The following GRK5 variants were observed in gnomAD, a reference collection of about 807,000 sequenced individuals.
GRK5 encodes G protein-coupled receptor kinase 5, also known as g protein-coupled receptor kinase GRK5.
GRK5 carries 40 observed loss-of-function variants against 78.4 expected under a neutral mutation model. The observed-to-expected ratio is 0.51, with a 90% CI of 0.40 to 0.66. The LOEUF (loss-of-function observed/expected upper bound fraction) is 0.66. Among genes scored for constraint, GRK5 ranks in the 30% least tolerant of loss-of-function variants. The pLI is 0.00. For missense variants in GRK5, 598 were observed against 759.9 expected (o/e 0.79, Z 2.50); for synonymous variants, 289 against 296.8 (o/e 0.97, Z 0.27).
chr10:119,447,609 C>T (rs559570423), intron 12 of GRK5, among the ~76,000 whole-genome samples: 227 of 152,292 alleles, frequency 1.5e-3, no homozygotes, highest in African/African-American at 5.2e-3. Flanking sequence ...GCCCCCTGCC[C>T]CCGGGGTGCC....
At chr10:119,358,465 C>G (rs1421586024) in intron 2 of GRK5, among the ~76,000 whole-genome samples, 1 of 152,200 alleles carries the variant, frequency 6.6e-6, no homozygotes, top group African/African-American at 2.4e-5. Flanking sequence ...ACCCGGCAGC[C>G]TGGCCGCCTT....
chr10:119,273,006 C>A (rs955266286), intron 1 of GRK5, among the ~76,000 whole-genome samples: 1 of 152,216 alleles, frequency 6.6e-6, no homozygotes, highest in Non-Finnish European at 1.5e-5. Flanking sequence ...TCCAAGTCCT[C>A]CCCAGTCCTT....
At chr10:119,284,007 T>C (rs1849806141) in intron 1 of GRK5, among the ~76,000 whole-genome samples, 1 of 152,164 alleles carries the variant, frequency 6.6e-6, no homozygotes, top group Admixed American at 6.5e-5. Context: ...CTCTGGGCAG[T>C]GTACTTCGGT....
intron 2 of GRK5, among the ~76,000 whole-genome samples, chr10:119,376,281 A>G (rs1195011144): frequency 6.6e-6 from 1 of 152,126 alleles, no homozygotes; most frequent in African/African-American, 2.4e-5. Flanking sequence ...GATGTCCTCC[A>G]TTCTTGGCCA....
rs991117024 is a variant in GRK5 at position 119,430,627 on chromosome 10, G to T, written c.597+189G>T. On this transcript the variant is annotated intron_variant, in intron 7 of 15. Transcript: ENST00000392870. This position sits in a 1 kb window ranked among gnomAD's most constrained non-coding sequence, Gnocchi z 4.5. The stretch of plus-strand genomic sequence containing the variant: ...GGGGCTATCAGGTGTGTCTATGGTG[G>T]AAAGAGGTTGTGGAGCTGGGCAGGT... 2.6e-5 allele frequency among the ~76,000 whole-genome samples: 4 copies of T among 152,162 alleles called. No individual in the cohort carries two copies. Among genetic ancestry groups the T allele is most frequent in the South Asian group, 2.1e-4 (1 of 4,826 alleles).
intron 1 of GRK5, among the ~76,000 whole-genome samples, chr10:119,232,100 AATGG>A: frequency 6.6e-6 from 1 of 152,364 alleles, no homozygotes; most frequent in Admixed American, 6.5e-5. Context: ...ACAACAGATG[AATGG>A]ATAAAGAAAA....
chr10:119,453,375 G>C (rs1853335010), intron 15 of GRK5, 99 bp downstream of exon 15: 2 of 1,417,816 alleles, frequency 1.4e-6, no homozygotes, highest in Non-Finnish European at 1.9e-6. Flanking sequence ...CCCTTGGAAG[G>C]CTTGGAAGTC....
Position 119,443,666 on chromosome 10 carries a change from C to A in GRK5, c.1180C>A (p.Arg394=), listed in dbSNP as rs1017068765. 6.2e-7 allele frequency: 1 copy of A among 1,613,468 alleles called. No individual in the cohort carries two copies. The highest frequency in any genetic ancestry group is 8.5e-7 in the Non-Finnish European group (1 of 1,179,830). ...PFRGRKEKVK[R]EEVDRRVLET... is the part of the protein sequence containing the mutation. ...CCGCGGCCGCAAGGAGAAGGTGAAG[C>A]GGGAGGAGGTGGACCGCCGGGTCCT... is the stretch of plus-strand genomic sequence containing the variant. The change falls in exon 12 of 16, where the codon CGG becomes AGG. Residue 394 remains arginine, a synonymous_variant. Transcript: ENST00000392870.
intron 2 of GRK5, among the ~76,000 whole-genome samples, chr10:119,344,872 CCCTTCCTTCCTTCCTT>C (rs545170705): frequency 0.013 from 932 of 73,702 alleles, 7 homozygotes; most frequent in Middle Eastern, 0.075. Flanking sequence ...ACAAGACCCA[CCCTTCCTTCCTTCCTT>C]CCTTCCTTCC....
At chr10:119,289,460 G>A (rs918275585) in intron 1 of GRK5, among the ~76,000 whole-genome samples, 1 of 152,240 alleles carries the variant, frequency 6.6e-6, no homozygotes, top group Non-Finnish European at 1.5e-5. Flanking sequence ...CACCTGACCT[G>A]CCTGTGGCTC....
rs896110324 is a variant in GRK5 at position 119,412,901 on chromosome 10, T to C, written c.340-10265T>C. On this transcript the variant is annotated intron_variant, in intron 4 of 15. Transcript: ENST00000392870. The surrounding 1 kb of genome is among the most constrained non-coding windows in gnomAD (Gnocchi z 4.3). ...GTCGCTGCAGCTGGGTGAGCAGGGC[T>C]GAGTGAGCTCAGGGAATCGGAGCTC... is the stretch of plus-strand genomic sequence containing the variant. Among the ~76,000 whole-genome samples, 1 of 152,132 alleles carries C rather than the reference T, an allele frequency of 6.6e-6. No homozygotes were observed. Among genetic ancestry groups the C allele is most frequent in the African/African-American group, 2.4e-5 (1 of 41,420 alleles).
At chr10:119,327,075 G>C (rs548319933) in intron 2 of GRK5, among the ~76,000 whole-genome samples, 54 of 151,194 alleles carry the variant, frequency 3.6e-4, no homozygotes, top group African/African-American at 1.3e-3. Context: ...CAGGCTTTGG[G>C]AGCTGAGAGT....
chr10:119,345,419 C>T (rs1851074766), intron 2 of GRK5, among the ~76,000 whole-genome samples: 1 of 152,164 alleles, frequency 6.6e-6, no homozygotes, highest in Non-Finnish European at 1.5e-5. Context: ...ACAGGGGCTT[C>T]CTAGCCTCAC....
chr10:119,214,027 T>C (rs936456360), intron 1 of GRK5, among the ~76,000 whole-genome samples: 2 of 152,246 alleles, frequency 1.3e-5, no homozygotes, highest in Non-Finnish European at 2.9e-5. Flanking sequence ...CAGGCTAGAC[T>C]GCAGTGGCGC....
At chr10:119,247,315 G>T (rs978860247) in intron 1 of GRK5, among the ~76,000 whole-genome samples, 2 of 152,174 alleles carry the variant, frequency 1.3e-5, no homozygotes, top group South Asian at 4.1e-4. Flanking sequence ...AGAAAAATAC[G>T]ATGACCTGGA....
At chr10:119,312,071 T>C (rs917183827) in intron 1 of GRK5, among the ~76,000 whole-genome samples, 1 of 151,958 alleles carries the variant, frequency 6.6e-6, no homozygotes, top group African/African-American at 2.4e-5. Context: ...CACCCGCTGC[T>C]AATTTTTGTT....
intron 1 of GRK5, among the ~76,000 whole-genome samples, chr10:119,250,056 A>G (rs1031003773): frequency 1.3e-5 from 2 of 152,154 alleles, no homozygotes; most frequent in African/African-American, 4.8e-5. Flanking sequence ...TGAATCCTCA[A>G]AGAGCCTCTG....
At chr10:119,237,090 TC>T in intron 1 of GRK5, among the ~76,000 whole-genome samples, 1 of 125,092 alleles carries the variant, frequency 8.0e-6, no homozygotes. Context: ...TGAGACGGAG[TC>T]TCACTCTGTC....
chr10:119,441,574 G>T (rs930816602), intron 10 of GRK5, among the ~76,000 whole-genome samples: 3 of 152,204 alleles, frequency 2.0e-5, no homozygotes, highest in Admixed American at 2.0e-4. Flanking sequence ...AAGGCAGGCC[G>T]GGGAGCTGCT....
Sources: gnomAD v4.1 joint callset for allele counts (sites outside exome capture counted in the v4.1 genomes callset) on GRCh38, gnomAD v4.1.1 for gene constraint, Gnocchi (gnomAD v3.1) non-coding constraint, MANE v1.5 for transcripts, NCBI Gene and HGNC (gene_info 2026-07-23, HGNC 2026-07-21) for gene names.